MPHOSPH6: variants seen among roughly 807,000 people sequenced by gnomAD.
MPHOSPH6 encodes the protein M-phase phosphoprotein 6.
MPHOSPH6 carries 25 observed loss-of-function variants against 21.8 expected under a neutral mutation model. The ratio of observed to expected loss-of-function variants is 1.15; its 90% confidence interval spans 0.83 to 1.60. The LOEUF (loss-of-function observed/expected upper bound fraction) is 1.60, where lower values mean the gene tolerates loss of function less well. MPHOSPH6 is among the 40% of genes most tolerant of loss of function. The pLI is 0.00. For synonymous variants in MPHOSPH6, 84 were observed against 56.5 expected, an observed-to-expected ratio of 1.49 and a Z score of -2.18; for missense variants, 269 against 181.8, an observed-to-expected ratio of 1.48 and a Z score of -2.76.
intron 3 of MPHOSPH6, among the ~76,000 whole-genome samples, chr16:82,150,795 T>C (rs902524582): frequency 6.6e-6 from 1 of 152,254 alleles, no homozygotes; most frequent in African/African-American, 2.4e-5. Context: ...AAGTAATATT[T>C]ACCAAACTAA....
At chr16:82,156,773 C>T (rs1397825846) in intron 2 of MPHOSPH6, among the ~76,000 whole-genome samples, 2 of 152,064 alleles carry the variant, frequency 1.3e-5, no homozygotes, top group South Asian at 2.1e-4. Context: ...TATCCATAAG[C>T]GTAAAAAAAC....
At chr16:82,165,332 G>T (rs1286302521) in intron 1 of MPHOSPH6, among the ~76,000 whole-genome samples, 2 of 151,350 alleles carry the variant, frequency 1.3e-5, no homozygotes, top group Non-Finnish European at 2.9e-5. Flanking sequence ...CACCACTTTG[G>T]CCAGGCTGGT....
chr16:82,166,632 G>C (rs1349901125), intron 1 of MPHOSPH6, among the ~76,000 whole-genome samples: 1 of 151,762 alleles, frequency 6.6e-6, no homozygotes, highest in Non-Finnish European at 1.5e-5. Flanking sequence ...GGCACCCCTG[G>C]TACACAAAAG....
intron 1 of MPHOSPH6, among the ~76,000 whole-genome samples, chr16:82,169,134 G>T (rs1469312115): frequency 1.3e-5 from 2 of 152,080 alleles, no homozygotes; most frequent in Non-Finnish European, 2.9e-5. Context: ...CCATTTTCTT[G>T]ATACTGTTCC....
At chr16:82,149,143 C>A (rs1232655917) in intron 4 of MPHOSPH6, among the ~76,000 whole-genome samples, 166 bp downstream of exon 4, 1 of 152,194 alleles carries the variant, frequency 6.6e-6, no homozygotes, top group Non-Finnish European at 1.5e-5. Context: ...CAGCCTGAGA[C>A]AGGTCTGTGG....
Position 82,168,474 on chromosome 16 carries a change from T to C in MPHOSPH6, c.51+1651A>G, listed in dbSNP as rs201785001. ...CCCATATAATGTTTACTCTCTCTCTTTTTTTTTTTTTTTTGAGACAGGGTC... is the reference window on the plus strand; with the variant it reads ...CCCATATAATGTTTACTCTCTCTCTCTTTTTTTTTTTTTTGAGACAGGGTC... On this transcript the variant is annotated intron_variant, in intron 1 of 4. Transcript: ENST00000258169. 1.7e-3 allele frequency among the ~76,000 whole-genome samples: 66 copies of C among 39,622 alleles called. 1 individual carries two copies. Among genetic ancestry groups the C allele is most frequent in the Non-Finnish European group, 2.4e-3 (28 of 11,896 alleles). 26.0% of individuals were successfully genotyped at this position (39,622 alleles called of 152,430 possible).
At chr16:82,163,282 T>A (rs577826366) in intron 2 of MPHOSPH6, among the ~76,000 whole-genome samples, 2 of 152,178 alleles carry the variant, frequency 1.3e-5, no homozygotes, top group African/African-American at 4.8e-5. Flanking sequence ...AAAACTACCA[T>A]ACAACAGAGC....
intron 2 of MPHOSPH6, chr16:82,163,828 A>C: frequency 2.5e-5 from 9 of 357,542 alleles, no homozygotes; most frequent in Non-Finnish European, 2.5e-5. Flanking sequence ...TGTTACTATC[A>C]GAGATATGTG....
intron 3 of MPHOSPH6, among the ~76,000 whole-genome samples, chr16:82,149,988 C>A (rs1268066314): frequency 6.6e-6 from 1 of 151,014 alleles, no homozygotes; most frequent in Non-Finnish European, 1.5e-5. Flanking sequence ...TCACATAAAC[C>A]TTTTTGTGAT....
chr16:82,158,054 G>A (rs907460186), intron 2 of MPHOSPH6, among the ~76,000 whole-genome samples: 2 of 152,142 alleles, frequency 1.3e-5, no homozygotes, highest in South Asian at 2.1e-4. Flanking sequence ...ATTCTTCACT[G>A]CCAGGCCCTC....
chr16:82,151,604 T>C (rs1446633396), intron 2 of MPHOSPH6, 90 bp from the exon 3 acceptor site: 84 of 1,409,338 alleles, frequency 6.0e-5, no homozygotes, highest in African/African-American at 8.7e-5. Flanking sequence ...AATCAACCTA[T>C]GGTTCTCAGT....
intron 1 of MPHOSPH6, among the ~76,000 whole-genome samples, chr16:82,167,905 T>C (rs1050921042): frequency 2.0e-5 from 3 of 152,162 alleles, no homozygotes; most frequent in African/African-American, 7.2e-5. Context: ...CCATGCTATA[T>C]AGGACTTAGC....
At chr16:82,169,871 A>G (rs1022763754) in intron 1 of MPHOSPH6, among the ~76,000 whole-genome samples, 1 of 152,216 alleles carries the variant, frequency 6.6e-6, no homozygotes, top group Non-Finnish European at 1.5e-5. Context: ...GCACTGGGTA[A>G]GCTGTACCCT....
chr16:82,167,839 G>T (rs1353301077), intron 1 of MPHOSPH6, among the ~76,000 whole-genome samples: 1 of 152,186 alleles, frequency 6.6e-6, no homozygotes, highest in African/African-American at 2.4e-5. Flanking sequence ...CTGCTGTGCA[G>T]CCTGTTCCTT....
At chr16:82,157,161 G>A (rs1567613486) in intron 2 of MPHOSPH6, among the ~76,000 whole-genome samples, 1 of 152,232 alleles carries the variant, frequency 6.6e-6, no homozygotes, top group East Asian at 1.9e-4. Flanking sequence ...ACCACAATGA[G>A]ATGCCACTAG....
chr16:82,153,706 G>C (rs3829542), intron 2 of MPHOSPH6, among the ~76,000 whole-genome samples: 1 of 152,082 alleles, frequency 6.6e-6, no homozygotes, highest in Admixed American at 6.5e-5. Context: ...TGAGTCTTTA[G>C]ACTTAGGGAA....
chr16:82,168,440 C>A (rs560535091), intron 1 of MPHOSPH6, among the ~76,000 whole-genome samples: 1 of 151,020 alleles, frequency 6.6e-6, no homozygotes, highest in Non-Finnish European at 1.5e-5. Context: ...CAACTCCATT[C>A]AAATCTTGCC....
At chr16:82,157,442 A>C (rs1476485061) in intron 2 of MPHOSPH6, among the ~76,000 whole-genome samples, 2 of 152,238 alleles carry the variant, frequency 1.3e-5, no homozygotes, top group African/African-American at 2.4e-5. Flanking sequence ...AAATTAATCT[A>C]CGGTTTAAGA....
At position 82,148,647 on chromosome 16, in the gene MPHOSPH6, C is replaced by G. The variant is rs1597157958; in HGVS notation, c.*84G>C. 5 of 1,497,296 alleles carry G rather than the reference C, an allele frequency of 3.3e-6. No homozygotes were observed. The East Asian group carries it at 9.1e-5, about 27-fold the overall frequency. The allele number at this position is 1,497,296 out of a possible 1,614,324, so 92.8% of individuals were successfully genotyped here. A position where few individuals can be genotyped will look rare whatever the true frequency, so the allele number is the denominator to read the frequency against. On this transcript the variant is annotated 3_prime_UTR_variant, in exon 5 of 5. Transcript: ENST00000258169. The stretch of plus-strand genomic sequence containing the variant: ...CAAGTAAACGTTACAGTATTAATAA[C>G]TATAGAGACACCATTGGGATGAGCT...
Sources: allele counts gnomAD v4.1 joint callset (sites outside exome capture counted in the v4.1 genomes callset), GRCh38; gene constraint gnomAD v4.1.1; transcripts MANE v1.5; gene names NCBI Gene and HGNC (gene_info 2026-07-23, HGNC 2026-07-21).